The following GARNL3 variants were observed in gnomAD, a reference collection of about 807,000 sequenced individuals.
GARNL3 encodes the protein GTPase-activating Rap/Ran-GAP domain-like protein 3.
GARNL3 carries 63 observed loss-of-function variants against 125.0 expected under a neutral mutation model. The ratio of observed to expected loss-of-function variants is 0.50; its 90% CI spans 0.41 to 0.62. The LOEUF is 0.62. GARNL3 is among the 20% of genes least tolerant of loss of function. The pLI is 0.00. For synonymous variants in GARNL3, 439 were observed against 457.5 expected (o/e 0.96, Z 0.52); for missense variants, 994 against 1,244.0 (o/e 0.80, Z 3.02).
At chr9:127,381,331 A>G (rs1383070418) in intron 22 of GARNL3, among the ~76,000 whole-genome samples, 3 of 152,230 alleles carry the variant, frequency 2.0e-5, no homozygotes, top group Non-Finnish European at 4.4e-5. Flanking sequence ...AAAACTCTAT[A>G]TCTACAGACT....
At chr9:127,231,056 T>TACA (rs2063003473) in intron 1 of GARNL3, among the ~76,000 whole-genome samples, 1 of 79,292 alleles carries the variant, frequency 1.3e-5, no homozygotes, top group South Asian at 4.3e-4. Flanking sequence ...ATATATTTTT[T>TACA]TTTTTTTTTT....
At chr9:127,235,778 T>A (rs980035309) in intron 1 of GARNL3, among the ~76,000 whole-genome samples, 6 of 152,204 alleles carry the variant, frequency 3.9e-5, no homozygotes, top group African/African-American at 1.4e-4. Flanking sequence ...TTGACAAAAC[T>A]GTTTCTTTGG....
At position 127,389,052 on chromosome 9, in the gene GARNL3, G is replaced by A. The variant is rs776796001; in HGVS notation, c.2676G>A (p.Thr892=). 9.3e-6 allele frequency: 15 copies of A among 1,613,932 alleles called. No individual in the cohort carries two copies. The highest frequency in any genetic ancestry group is 2.2e-5 in the East Asian group (1 of 44,904). The change falls in exon 26 of 28, where the codon ACG becomes ACA. Residue 892 remains threonine, a synonymous_variant. Transcript: ENST00000373387. ...ISVGLAAIPV[T]HSLSLSRMEI... ...TGGGCCTTGCTGCCATTCCAGTCAC[G>A]CACTCCTTGTCCCTGTCTCGCATGG...
intron 1 of GARNL3, 32 bp from the exon 2 acceptor site, chr9:127,291,136 T>C: frequency 6.2e-7 from 1 of 1,602,668 alleles, no homozygotes. Flanking sequence ...ACATTGTAAA[T>C]GCTTCCTAAT....
At chr9:127,261,886 A>G (rs2063600627), upstream of GARNL3, among the ~76,000 whole-genome samples, 1 of 151,982 alleles carries the variant, frequency 6.6e-6, no homozygotes, top group Admixed American at 6.6e-5. Flanking sequence ...AAACGCCTCC[A>G]ATTCTTTCCT....
upstream of GARNL3, chr9:127,264,169 T>C: frequency 2.0e-6 from 1 of 490,150 alleles, no homozygotes; most frequent in African/African-American, 2.0e-5. Flanking sequence ...TGTGGTTTCA[T>C]GAGTATTGCT....
intron 1 of GARNL3, chr9:127,225,477 C>A: frequency 1.7e-6 from 1 of 593,782 alleles, no homozygotes; most frequent in Non-Finnish European, 2.1e-6. Flanking sequence ...GAAGGGACAG[C>A]GGGGCGAGGC....
intron 1 of GARNL3, among the ~76,000 whole-genome samples, chr9:127,279,808 C>G (rs113206002): frequency 2.0e-5 from 3 of 152,038 alleles, no homozygotes; most frequent in Non-Finnish European, 2.9e-5. Context: ...AAGAGCTATT[C>G]AGACCTTTTT....
At chr9:127,257,848 A>T (rs1458863855) in intron 2 of GARNL3, among the ~76,000 whole-genome samples, 1 of 152,256 alleles carries the variant, frequency 6.6e-6, no homozygotes, top group Admixed American at 6.5e-5. Context: ...GTGGCCTGTT[A>T]TGAACCAGGA....
At chr9:127,269,950 T>G (rs1287447920) in intron 1 of GARNL3, among the ~76,000 whole-genome samples, 1 of 152,186 alleles carries the variant, frequency 6.6e-6, no homozygotes, top group Non-Finnish European at 1.5e-5. Context: ...GAAGTAAAAT[T>G]TATCTATTAT....
chr9:127,347,045 G>A (rs1314684114), intron 16 of GARNL3, among the ~76,000 whole-genome samples: 1 of 152,132 alleles, frequency 6.6e-6, no homozygotes, highest in African/African-American at 2.4e-5. Flanking sequence ...GACACTGCAC[G>A]CCCCAATATT....
chr9:127,241,495 T>A (rs2063203515), intron 1 of GARNL3, among the ~76,000 whole-genome samples: 1 of 151,562 alleles, frequency 6.6e-6, no homozygotes, highest in Admixed American at 6.6e-5. Context: ...GCCTTTGATG[T>A]CTATCTAGTT....
intron 9 of GARNL3, among the ~76,000 whole-genome samples, chr9:127,334,488 G>C (rs1829440843): frequency 2.0e-5 from 3 of 152,110 alleles, no homozygotes; most frequent in Admixed American, 2.0e-4. Context: ...GCAGGGATAG[G>C]GGATTGGGCC....
chr9:127,309,735 T>TA (rs2065045865), intron 2 of GARNL3, among the ~76,000 whole-genome samples: 1 of 146,342 alleles, frequency 6.8e-6, no homozygotes, highest in South Asian at 2.4e-4. Context: ...TCTCAACAGT[T>TA]GCCCCCCAAA....
chr9:127,364,845 TCAA>T lies in GARNL3; in HGVS notation c.2095-454_2095-452del. 1 of 165,464 alleles carries T rather than the reference TCAA, an allele frequency of 6.0e-6. No homozygotes were observed. The allele number at this position is 165,464 out of a possible 1,614,324, so 10.2% of individuals were successfully genotyped here. A position where few individuals can be genotyped will look rare whatever the true frequency, so the allele number is the denominator to read the frequency against. On this transcript the variant is annotated intron_variant, in intron 21 of 27. Coordinates refer to ENST00000373387, the MANE Select transcript of GARNL3 (RefSeq NM_032293.5). The surrounding 1 kb of genome is among the most constrained non-coding windows in gnomAD (Gnocchi z 4.2). Reference sequence around the variant, plus strand: ...AGATGTTGGCTGTGGCGTGTACCAGTCAAGGGACTTAAGTGACTTCACCCTGAG... The same window carrying T: ...AGATGTTGGCTGTGGCGTGTACCAGTGGGACTTAAGTGACTTCACCCTGAG...
chr9:127,323,423 C>T (rs968876116), intron 6 of GARNL3, among the ~76,000 whole-genome samples: 4 of 152,202 alleles, frequency 2.6e-5, no homozygotes, highest in African/African-American at 7.2e-5. Flanking sequence ...GCCTCTACAG[C>T]TGAGTGTTGA....
chr9:127,271,145 A>AT (rs2063814941), intron 1 of GARNL3, among the ~76,000 whole-genome samples: 1 of 150,396 alleles, frequency 6.6e-6, no homozygotes, highest in Non-Finnish European at 1.5e-5. Flanking sequence ...TGTGTCCATT[A>AT]ACATTCCTTC....
upstream of GARNL3, among the ~76,000 whole-genome samples, chr9:127,259,529 C>T (rs1251386453): frequency 2.6e-5 from 4 of 152,292 alleles, no homozygotes; most frequent in Middle Eastern, 3.4e-3. Context: ...GGTCAAACTG[C>T]TAGGCCAACG....
At chr9:127,345,772 G>A (rs920789938) in intron 16 of GARNL3, among the ~76,000 whole-genome samples, 1 of 152,228 alleles carries the variant, frequency 6.6e-6, no homozygotes, top group Non-Finnish European at 1.5e-5. Context: ...CACATCACTT[G>A]GACACCTTGA....
Sources: allele counts gnomAD v4.1 joint callset (sites outside exome capture counted in the v4.1 genomes callset), GRCh38; gene constraint gnomAD v4.1.1; non-coding constraint Gnocchi (gnomAD v3.1); transcripts MANE v1.5; gene names NCBI Gene and HGNC (gene_info 2026-07-23, HGNC 2026-07-21).